Variants in ZNF254 observed in about 807,000 individuals in gnomAD.
ZNF254 encodes zinc finger protein 254.
A neutral mutation model predicts 12.4 loss-of-function variants in ZNF254; 10 were observed. The ratio of observed to expected loss-of-function variants is 0.80; its 90% CI spans 0.50 to 1.36. The LOEUF is 1.36. ZNF254 is among the 40% of genes most tolerant of loss of function. The pLI is 0.00. For missense variants in ZNF254, 996 were observed against 763.9 expected (o/e 1.30, Z -3.58); for synonymous variants, 305 against 253.4 (o/e 1.20, Z -1.93).
At chr19:24,122,669 AT>A (rs1974561357) in intron 3 of ZNF254, among the ~76,000 whole-genome samples, 2 of 151,890 alleles carry the variant, frequency 1.3e-5, no homozygotes, top group Admixed American at 6.6e-5. Context: ...ATTTATCTTT[AT>A]AGTTCGTACA....
At chr19:24,047,704 G>A (rs888878911) in intron 2 of ZNF254, among the ~76,000 whole-genome samples, 10 of 100,770 alleles carry the variant, frequency 9.9e-5, no homozygotes, top group Non-Finnish European at 2.0e-4. Flanking sequence ...CTTTTTTTTT[G>A]GAGATGGAGT....
At chr19:24,083,054 T>C (rs1971907086), upstream of ZNF254, among the ~76,000 whole-genome samples, 1 of 152,176 alleles carries the variant, frequency 6.6e-6, no homozygotes, top group Non-Finnish European at 1.5e-5. Context: ...GTTACAATCA[T>C]ATAATTAGGA....
chr19:24,092,876 A>G (rs890210757), intron 1 of ZNF254, among the ~76,000 whole-genome samples: 1 of 152,214 alleles, frequency 6.6e-6, no homozygotes, highest in Non-Finnish European at 1.5e-5. Context: ...GTTCTGTGAG[A>G]AATTGCCACA....
chr19:24,089,001 A>G (rs1422049033), intron 1 of ZNF254, among the ~76,000 whole-genome samples: 1 of 107,824 alleles, frequency 9.3e-6, no homozygotes, highest in African/African-American at 4.1e-5. Flanking sequence ...TTTGAGACAG[A>G]GTTTCACTCT....
intron 1 of ZNF254, among the ~76,000 whole-genome samples, chr19:24,045,985 C>G (rs1970369225): frequency 6.6e-6 from 1 of 151,992 alleles, no homozygotes; most frequent in African/African-American, 2.4e-5. Flanking sequence ...TTGATTCATT[C>G]AAACTTGAAA....
At chr19:24,034,488 GT>G (rs963358053) in intron 1 of ZNF254, among the ~76,000 whole-genome samples, 27,878 of 105,962 alleles carry the variant, frequency 0.26, 1,968 homozygotes, top group East Asian at 0.32. Context: ...AGGTAAGTGG[GT>G]TTTTTTTTTT....
At position 24,127,551 on chromosome 19, in the gene ZNF254, C is replaced by G; in HGVS notation, c.1551C>G (p.Pro517=). Residue 517 remains proline (P), a synonymous_variant, in exon 4 of 4, where the codon CCC becomes CCG. Transcript: ENST00000357002. The stretch of plus-strand genomic sequence containing the variant: ...AGATAATTCATACTGGAGAGAAACC[C>G]TACAAATGTGAAGAATGTGGCAAAG... ...THKIIHTGEK[P]YKCEECGKAF... is the part of the protein sequence containing the mutation. 1 of 1,613,002 alleles carries G rather than the reference C, an allele frequency of 6.2e-7. No individual in the cohort carries two copies. The highest frequency in any genetic ancestry group is 1.3e-5 in the African/African-American group (1 of 74,830).
intron 2 of ZNF254, among the ~76,000 whole-genome samples, chr19:24,074,294 A>G (rs541981775): frequency 5.4e-4 from 82 of 152,276 alleles, no homozygotes; most frequent in Non-Finnish European, 8.1e-4. Flanking sequence ...ATCGAGCTGA[A>G]GTGACTCTTC....
upstream of ZNF254, among the ~76,000 whole-genome samples, chr19:24,082,663 A>C (rs1220748455): frequency 2.8e-5 from 4 of 145,066 alleles, no homozygotes; most frequent in African/African-American, 5.2e-5. Context: ...AAAACAAAAA[A>C]AAAAAACCCA....
chr19:24,124,042 T>A (rs1380089919), intron 3 of ZNF254, among the ~76,000 whole-genome samples: 1 of 152,114 alleles, frequency 6.6e-6, no homozygotes, highest in Non-Finnish European at 1.5e-5. Context: ...TATTTGATTC[T>A]TGCATCTTTG....
intron 2 of ZNF254, among the ~76,000 whole-genome samples, chr19:24,062,307 C>G (rs767590898): frequency 2.0e-5 from 3 of 152,046 alleles, no homozygotes; most frequent in Non-Finnish European, 4.4e-5. Context: ...ATGAAAGAGC[C>G]CACTGACTGA....
chr19:24,101,127 G>GCCC (rs1973000356), intron 1 of ZNF254, among the ~76,000 whole-genome samples: 1 of 152,194 alleles, frequency 6.6e-6, no homozygotes, highest in African/African-American at 2.4e-5. Context: ...TTACAGGCAT[G>GCCC]AGCCATGGCA....
At chr19:24,085,812 T>G (rs954565775), upstream of ZNF254, among the ~76,000 whole-genome samples, 1 of 151,910 alleles carries the variant, frequency 6.6e-6, no homozygotes, top group African/African-American at 2.4e-5. Context: ...AAATATGCTT[T>G]TGATGAAGAA....
upstream of ZNF254, among the ~76,000 whole-genome samples, chr19:24,083,924 T>C (rs7245568): frequency 0.49 from 74,481 of 151,854 alleles, 19,099 homozygotes; most frequent in African/African-American, 0.64. Context: ...GAAAACAGTA[T>C]GGAGATTCAT....
chr19:24,119,425 C>T (rs1974332409), intron 3 of ZNF254, among the ~76,000 whole-genome samples: 1 of 152,038 alleles, frequency 6.6e-6, no homozygotes, highest in African/African-American at 2.4e-5. Context: ...ACCCTGACCT[C>T]AGGTGATCCA....
chr19:24,076,341 C>T (rs551662096), intron 2 of ZNF254, among the ~76,000 whole-genome samples: 119 of 152,304 alleles, frequency 7.8e-4, no homozygotes, highest in Admixed American at 1.0e-3. Context: ...TATTCTGCTG[C>T]GGCTTCAGCC....
intron 2 of ZNF254, 68 bp downstream of exon 2, chr19:24,106,134 C>T (rs972576318): frequency 6.7e-7 from 1 of 1,488,496 alleles, no homozygotes; most frequent in Non-Finnish European, 9.0e-7. Context: ...AGAATGTTTT[C>T]TGGTAATTTA....
upstream of ZNF254, among the ~76,000 whole-genome samples, chr19:24,085,226 C>G (rs183099520): frequency 4.9e-3 from 740 of 151,358 alleles, 6 homozygotes; most frequent in African/African-American, 0.017. Context: ...GCCACTGCAC[C>G]CAGCCCAGAA....
intron 1 of ZNF254, among the ~76,000 whole-genome samples, chr19:24,040,714 A>G (rs185277691): frequency 1.3e-5 from 2 of 152,326 alleles, no homozygotes; most frequent in East Asian, 3.9e-4. Flanking sequence ...AAGCTCAATA[A>G]ACACTGTATT....
Sources: gnomAD v4.1 joint callset for allele counts (sites outside exome capture counted in the v4.1 genomes callset) on GRCh38, gnomAD v4.1.1 for gene constraint, MANE v1.5 for transcripts, NCBI Gene and HGNC (gene_info 2026-07-23, HGNC 2026-07-21) for gene names.